SLC1A2: variants seen among roughly 807,000 people sequenced by gnomAD.
SLC1A2 encodes the protein solute carrier family 1 member 2, also known as excitatory amino acid transporter 2.
A neutral mutation model predicts 48.8 loss-of-function variants in SLC1A2; 15 were observed. The observed-to-expected ratio is 0.31, with a 90% CI of 0.21 to 0.47. The LOEUF (loss-of-function observed/expected upper bound fraction) is 0.47. Ranked by LOEUF, SLC1A2 falls within the 20% of genes least tolerant of loss-of-function variation. The pLI is 0.99. For missense variants in SLC1A2, 502 were observed against 730.5 expected (o/e 0.69, Z 3.61); for synonymous variants, 279 against 272.6 (o/e 1.02, Z -0.23).
chr11:35,351,569 G>A (rs1167209127), intron 1 of SLC1A2, among the ~76,000 whole-genome samples: 3 of 152,154 alleles, frequency 2.0e-5, no homozygotes, highest in Non-Finnish European at 4.4e-5. Flanking sequence ...TATATTGTGT[G>A]TACATTTAAA....
chr11:35,315,014 T>C lies in SLC1A2; in HGVS notation c.310+9A>G, dbSNP rs149518500. ...CCATGTTAGCCAGGCACTAGTGAGGTAGTCTTACCTGTGATTAAGCTGGAG... is the reference window on the plus strand; with the variant it reads ...CCATGTTAGCCAGGCACTAGTGAGGCAGTCTTACCTGTGATTAAGCTGGAG... On this transcript the variant is annotated intron_variant, in intron 3 of 10. Coordinates refer to ENST00000278379, the MANE Select transcript of SLC1A2 (RefSeq NM_004171.4). 181 of 1,607,134 alleles carry C rather than the reference T, an allele frequency of 1.1e-4. No individual in the cohort carries two copies. The highest frequency in any genetic ancestry group is 1.4e-4 in the Non-Finnish European group (167 of 1,173,836).
upstream of SLC1A2, chr11:35,420,170 G>T (rs1332853055): frequency 1.0e-5 from 2 of 191,282 alleles, no homozygotes; most frequent in East Asian, 3.3e-4. Flanking sequence ...AGAGAGGTCG[G>T]CCTCGTGGGT....
At chr11:35,322,502 TAAAA>T in intron 1 of SLC1A2, 3 of 1,084,114 alleles carry the variant, frequency 2.8e-6, no homozygotes. Flanking sequence ...CCAGGGAGCC[TAAAA>T]GCAACTGGTG....
chr11:35,387,121 C>T (rs75961282), intron 1 of SLC1A2, among the ~76,000 whole-genome samples: 7,683 of 152,206 alleles, frequency 0.05, 237 homozygotes, highest in Middle Eastern at 0.099. Context: ...CCCCTCACCC[C>T]CATTCTCCTG....
chr11:35,282,332 C>T (rs1850669017), intron 8 of SLC1A2, among the ~76,000 whole-genome samples: 1 of 152,150 alleles, frequency 6.6e-6, no homozygotes, highest in Admixed American at 6.5e-5. Flanking sequence ...AGTTCAAATT[C>T]CAGCTCTGCC....
At chr11:35,318,547 G>T (rs1171856855) in intron 1 of SLC1A2, among the ~76,000 whole-genome samples, 1 of 152,156 alleles carries the variant, frequency 6.6e-6, no homozygotes, top group Non-Finnish European at 1.5e-5. Context: ...TCTTGTCATA[G>T]ACTGGAGAAA....
chr11:35,278,261 CTGTTTTTTTT>C (rs1162067327), intron 9 of SLC1A2, among the ~76,000 whole-genome samples: 4 of 133,660 alleles, frequency 3.0e-5, no homozygotes, highest in Admixed American at 8.5e-5. Context: ...CTTCTTACTT[CTGTTTTTTTT>C]TGTTTTTTTT....
At chr11:35,380,603 A>G (rs969328054) in intron 1 of SLC1A2, 11 of 392,962 alleles carry the variant, frequency 2.8e-5, no homozygotes, top group African/African-American at 2.1e-4. Flanking sequence ...TCTTCCAATC[A>G]ATTCTGTTCC....
intron 1 of SLC1A2, among the ~76,000 whole-genome samples, chr11:35,341,267 C>T (rs114089977): frequency 0.015 from 2,276 of 152,080 alleles, 56 homozygotes; most frequent in African/African-American, 0.05. Flanking sequence ...GACTTAAGAT[C>T]GAGGAAAGTG....
chr11:35,294,199 A>G (rs1851099689), intron 6 of SLC1A2, among the ~76,000 whole-genome samples: 2 of 152,202 alleles, frequency 1.3e-5, no homozygotes, highest in Non-Finnish European at 2.9e-5. Flanking sequence ...ATAGCAACAT[A>G]TTCTCTCAAG....
In SLC1A2 at chr11:35,317,346, G is replaced by C. The variant is rs2273687; in HGVS notation, c.157+31C>G. On this transcript the variant is annotated intron_variant, in intron 2 of 10. Transcript: ENST00000278379. ...AGCCAGGAGAGTCCCAGAGAAGAGG[G>C]GGCTGGGGGTGGGGTAGTGCAGGTA... The C allele has an allele frequency of 0.22, 356,810 of 1,602,160 alleles. 41,850 individuals carry two copies. The highest frequency in any genetic ancestry group is 0.28 in the Admixed American group (16,742 of 59,592).
chr11:35,272,021 G>A (rs188008416), intron 9 of SLC1A2, among the ~76,000 whole-genome samples: 150 of 152,292 alleles, frequency 9.8e-4, no homozygotes, highest in African/African-American at 3.2e-3. Flanking sequence ...ATTGAGAAAG[G>A]AAGGAGAGGA....
intron 9 of SLC1A2, chr11:35,280,287 G>C (rs921676539): frequency 2.0e-5 from 3 of 152,232 alleles, no homozygotes; most frequent in Non-Finnish European, 2.9e-5. Context: ...TCCGCCTCTT[G>C]AGTAGTTGGG....
In SLC1A2 at chr11:35,265,593, G is replaced by A. The variant is rs367650941; in HGVS notation, c.1587C>T (p.His529=). The A allele has an allele frequency of 1.9e-6, 3 of 1,612,662 alleles. No homozygotes were observed. Among genetic ancestry groups the A allele is most frequent in the Non-Finnish European group, 2.5e-6 (3 of 1,178,714 alleles). Residue 529 remains histidine (H), a synonymous_variant, in exon 10 of 11, where the codon CAC becomes CAT. Transcript: ENST00000278379. Reference sequence around the variant, plus strand: ...CACATTGATTAGAGTTGCTTTCCCTGTGGTTCTTCATGTCATCATAAATGG... The same window carrying A: ...CACATTGATTAGAGTTGCTTTCCCTATGGTTCTTCATGTCATCATAAATGG... The part of the protein sequence containing the change: ...TQSIYDDMKN[H]RESNSNQCVY...
At chr11:35,337,632 G>A (rs995024168) in intron 1 of SLC1A2, among the ~76,000 whole-genome samples, 4 of 152,168 alleles carry the variant, frequency 2.6e-5, no homozygotes, top group Admixed American at 6.5e-5. Flanking sequence ...ACCAGTAGGT[G>A]TAAACAGACT....
At chr11:35,312,017 C>A in intron 4 of SLC1A2, 181 bp downstream of exon 4, 18 of 419,212 alleles carry the variant, frequency 4.3e-5, no homozygotes, top group South Asian at 8.9e-5. Flanking sequence ...AAAATTAAAA[C>A]CAGGAGACTC....
chr11:35,352,912 G>A (rs1853315595), intron 1 of SLC1A2, among the ~76,000 whole-genome samples: 1 of 152,194 alleles, frequency 6.6e-6, no homozygotes, highest in African/African-American at 2.4e-5. Context: ...GGGCAGCAGA[G>A]ATGGCCAATG....
In SLC1A2 at chr11:35,287,281, G is replaced by T. The variant is rs371079792; in HGVS notation, c.1092-330C>A. 7.8e-3 allele frequency among the ~76,000 whole-genome samples: 1,117 copies of T among 143,418 alleles called. 13 individuals carry two copies. Among genetic ancestry groups the T allele is most frequent in the African/African-American group, 0.026 (1,029 of 39,764 alleles). 94.1% of individuals were successfully genotyped at this position (143,418 alleles called of 152,430 possible). A position where few individuals can be genotyped will look rare whatever the true frequency, so the allele number is the denominator to read the frequency against. On this transcript the variant is annotated intron_variant, in intron 7 of 10. Coordinates refer to ENST00000278379, the MANE Select transcript of SLC1A2 (RefSeq NM_004171.4). ...TGCATCTGATTGCCCATATTAATTG[G>T]GTTGCAAAAAAAAAAAAACAAAAGC...
At chr11:35,417,790 T>G (rs538345768) in intron 1 of SLC1A2, among the ~76,000 whole-genome samples, 1 of 152,298 alleles carries the variant, frequency 6.6e-6, no homozygotes, top group South Asian at 2.1e-4. Context: ...GTTCTAGAAA[T>G]ATTTTCCTTC....
Sources: allele counts gnomAD v4.1 joint callset (sites outside exome capture counted in the v4.1 genomes callset), GRCh38; gene constraint gnomAD v4.1.1; transcripts MANE v1.5; gene names NCBI Gene and HGNC (gene_info 2026-07-23, HGNC 2026-07-21).